The following MAML3 variants were observed in gnomAD, a reference collection of about 807,000 sequenced individuals.
MAML3 encodes the protein mastermind like transcriptional coactivator 3.
A neutral mutation model predicts 101.9 loss-of-function variants in MAML3; 27 were observed. The ratio of observed to expected loss-of-function variants is 0.27; its 90% confidence interval spans 0.20 to 0.37. MAML3 has a LOEUF of 0.37. MAML3 is among the 10% of genes least tolerant of loss of function. MAML3 has a pLI of 1.00. For missense variants in MAML3, 1,316 were observed against 1,444.9 expected (o/e 0.91, Z 1.45); for synonymous variants, 501 against 555.9 (o/e 0.90, Z 1.39).
intron 2 of MAML3, among the ~76,000 whole-genome samples, chr4:139,870,343 T>G (rs1731984672): frequency 6.7e-6 from 1 of 149,628 alleles, no homozygotes; most frequent in South Asian, 2.2e-4. Flanking sequence ...CAAAACTATC[T>G]CCAGATGTTG....
At chr4:139,753,577 T>A (rs1729576636) in intron 2 of MAML3, among the ~76,000 whole-genome samples, 1 of 152,132 alleles carries the variant, frequency 6.6e-6, no homozygotes, top group South Asian at 2.1e-4. Context: ...AAATAAAATA[T>A]AATTTTACAA....
intron 4 of MAML3, among the ~76,000 whole-genome samples, chr4:139,724,961 G>C (rs1390427385): frequency 6.6e-6 from 1 of 152,066 alleles, no homozygotes; most frequent in Non-Finnish European, 1.5e-5. Flanking sequence ...GTTTTGCTAT[G>C]TTGGCCAGGC....
At chr4:140,008,472 T>C (rs1211795319) in intron 1 of MAML3, among the ~76,000 whole-genome samples, 1 of 152,144 alleles carries the variant, frequency 6.6e-6, no homozygotes, top group Admixed American at 6.5e-5. Flanking sequence ...TCAAATAAGG[T>C]AGGTTTATCA....
At chr4:139,797,431 T>G (rs1218994295) in intron 2 of MAML3, among the ~76,000 whole-genome samples, 1 of 152,008 alleles carries the variant, frequency 6.6e-6, no homozygotes, top group Admixed American at 6.6e-5. Flanking sequence ...ATGGGCTGAG[T>G]TTTTTTCAAC....
chr4:139,945,983 C>A (rs1215378886), intron 1 of MAML3, among the ~76,000 whole-genome samples: 1 of 152,210 alleles, frequency 6.6e-6, no homozygotes, highest in East Asian at 1.9e-4. Flanking sequence ...TCCTGATTAA[C>A]TACATTCTAT....
chr4:139,769,906 C>T (rs375941819), intron 2 of MAML3, among the ~76,000 whole-genome samples: 241 of 139,396 alleles, frequency 1.7e-3, no homozygotes, highest in African/African-American at 6.0e-3. Flanking sequence ...TGAGCCATCG[C>T]GCCCAGCCTC....
intron 2 of MAML3, among the ~76,000 whole-genome samples, chr4:139,880,227 C>A (rs1376063035): frequency 6.6e-6 from 1 of 151,950 alleles, no homozygotes; most frequent in Non-Finnish European, 1.5e-5. Flanking sequence ...AAAGCTCATT[C>A]CTTTCCTAAA....
chr4:139,796,214 T>C (rs138196698), intron 2 of MAML3, among the ~76,000 whole-genome samples: 2 of 152,334 alleles, frequency 1.3e-5, no homozygotes, highest in African/African-American at 4.8e-5. Flanking sequence ...ATGATGACTA[T>C]TATGAGGCTT....
intron 1 of MAML3, among the ~76,000 whole-genome samples, chr4:140,042,250 A>G (rs1295595207): frequency 6.6e-6 from 1 of 152,220 alleles, no homozygotes; most frequent in Non-Finnish European, 1.5e-5. Context: ...GTGGCTTTAA[A>G]GGCTGCTGGC....
chr4:139,917,602 C>T (rs1454617571), intron 1 of MAML3, among the ~76,000 whole-genome samples: 1 of 152,174 alleles, frequency 6.6e-6, no homozygotes, highest in African/African-American at 2.4e-5. Context: ...AGCTCCAGAA[C>T]ATGGAACTAA....
rs1253875724 is a variant in MAML3, at chr4:140,011,067, T to C, written c.469-120100A>G. ...ATCCAAGATTGCACTGCTTGCACTCTAGCCTGGGCGACAGGGCTAGACTCT... is the reference window on the plus strand; with the variant it reads ...ATCCAAGATTGCACTGCTTGCACTCCAGCCTGGGCGACAGGGCTAGACTCT... On this transcript the variant is annotated intron_variant, in intron 1 of 4. Coordinates refer to ENST00000509479, the MANE Select transcript of MAML3 (RefSeq NM_018717.5). Among the ~76,000 whole-genome samples the C allele has an allele frequency of 3.5e-5, 5 of 143,652 alleles. 1 individual carries two copies. The highest frequency in any genetic ancestry group is 7.7e-5 in the African/African-American group (3 of 39,036). The allele number at this position is 143,652 out of a possible 152,430, so 94.2% of individuals were successfully genotyped here.
At chr4:139,778,031 G>A (rs1332047668) in intron 2 of MAML3, among the ~76,000 whole-genome samples, 2 of 152,132 alleles carry the variant, frequency 1.3e-5, no homozygotes, top group Non-Finnish European at 1.5e-5. Flanking sequence ...GCCTTCTCTG[G>A]CTACTAGAAA....
intron 1 of MAML3, among the ~76,000 whole-genome samples, chr4:140,101,862 T>A (rs999855718): frequency 2.0e-5 from 3 of 152,150 alleles, no homozygotes; most frequent in Admixed American, 1.3e-4. Flanking sequence ...TTTTTTTTTT[T>A]TTTTACATTT....
Position 140,154,159 on chromosome 4 carries a change from C to A in MAML3, c.-832G>T. On this transcript the variant is annotated 5_prime_UTR_variant, in exon 1 of 5. The change creates a new upstream start codon in the 5' untranslated region. Coordinates refer to ENST00000509479, the MANE Select transcript of MAML3 (RefSeq NM_018717.5). ...CCTCCTCCTCTCGCTCCTCCACCTC[C>A]TCCTCCTCCTCCATGCCAGCGGAGT... The A allele has an allele frequency of 6.0e-6, 1 of 166,918 alleles. No homozygotes were observed. Among genetic ancestry groups the A allele is most frequent in the South Asian group, 1.3e-4 (1 of 7,700 alleles). The allele number at this position is 166,918 out of a possible 1,614,324, so 10.3% of individuals were successfully genotyped here.
In MAML3 at chr4:139,955,375, G is replaced by A. The variant is rs549362996; in HGVS notation, c.469-64408C>T. ...TCTGTACAACAGATTAGGGAGAGAA[G>A]GGATAGAGGTATTCAATTTAAATCC... is the stretch of plus-strand genomic sequence containing the variant. On this transcript the variant is annotated intron_variant, in intron 1 of 4. Coordinates refer to ENST00000509479, the MANE Select transcript of MAML3 (RefSeq NM_018717.5). Among the ~76,000 whole-genome samples, 33 of 152,040 alleles carry A rather than the reference G, an allele frequency of 2.2e-4. No homozygotes were observed. In the South Asian group the frequency reaches 6.4e-3, roughly 30 times the overall value.
At chr4:139,979,082 G>A (rs187011176) in intron 1 of MAML3, among the ~76,000 whole-genome samples, 18 of 152,028 alleles carry the variant, frequency 1.2e-4, no homozygotes, top group Admixed American at 5.2e-4. Flanking sequence ...GTATGTGTCC[G>A]GCTCTGTATT....
At chr4:140,098,239 G>C (rs1486732031) in intron 1 of MAML3, among the ~76,000 whole-genome samples, 1 of 152,198 alleles carries the variant, frequency 6.6e-6, no homozygotes, top group Non-Finnish European at 1.5e-5. Context: ...ATGCTCAAAA[G>C]GGCAAAGGTT....
At position 139,718,475 on chromosome 4, in the gene MAML3, G is replaced by A. The variant is rs1728083925; in HGVS notation, c.*848C>T. On this transcript the variant is annotated 3_prime_UTR_variant, in exon 5 of 5. Transcript: ENST00000509479. ...GGCAGACACACAGGGTCCAGTAGGG[G>A]TTTCCCTGCCCTGCGGCCGCCAGAA... The A allele has an allele frequency of 6.6e-6, 1 of 152,312 alleles. No individual in the cohort carries two copies. The highest frequency in any genetic ancestry group is 1.5e-5 in the Non-Finnish European group (1 of 68,138). 9.4% of individuals were successfully genotyped at this position (152,312 alleles called of 1,614,324 possible). A position where few individuals can be genotyped will look rare whatever the true frequency, so the allele number is the denominator to read the frequency against.
chr4:140,116,258 C>T (rs1196980271), intron 1 of MAML3, among the ~76,000 whole-genome samples: 5 of 152,140 alleles, frequency 3.3e-5, no homozygotes, highest in Non-Finnish European at 5.9e-5. Flanking sequence ...TCAAGTTATA[C>T]TGTGTTCTTA....
Sources: gnomAD v4.1 joint callset for allele counts (sites outside exome capture counted in the v4.1 genomes callset) on GRCh38, gnomAD v4.1.1 for gene constraint, MANE v1.5 for transcripts, NCBI Gene and HGNC (gene_info 2026-07-23, HGNC 2026-07-21) for gene names.